APP: variants seen among roughly 807,000 people sequenced by gnomAD.
APP encodes amyloid beta precursor protein.
In APP, 31 loss-of-function variants were observed where a neutral mutation model predicts 101.4. The observed-to-expected ratio is 0.31, with a 90% CI of 0.23 to 0.41. The LOEUF is 0.41. APP is among the 10% of genes least tolerant of loss of function. The probability of loss-of-function intolerance (pLI) is 1.00; values close to 1 mark genes in which losing one functional copy is unlikely to be tolerated. For missense variants in APP, 839 were observed against 1,003.7 expected, an observed-to-expected ratio of 0.84 and a Z score of 2.22; for synonymous variants, 366 against 364.4, an observed-to-expected ratio of 1.00 and a Z score of -0.05.
intron 1 of APP, among the ~76,000 whole-genome samples, chr21:26,169,718 C>G (rs907602199): frequency 3.9e-5 from 6 of 152,294 alleles, no homozygotes; most frequent in Non-Finnish European, 7.4e-5. Flanking sequence ...GAGACTAACG[C>G]GGCTCGGCCC....
chr21:26,056,244 C>T (rs891120951), intron 3 of APP, among the ~76,000 whole-genome samples: 1 of 152,112 alleles, frequency 6.6e-6, no homozygotes, highest in Non-Finnish European at 1.5e-5. Context: ...AGATATGTTG[C>T]CCAGGCTGGT....
intron 1 of APP, 101 bp downstream of exon 1, chr21:26,170,463 G>A: frequency 7.8e-7 from 1 of 1,285,664 alleles, no homozygotes; most frequent in Non-Finnish European, 1.1e-6. Context: ...CCCATTGACG[G>A]ACCCCCGGCT....
chr21:25,898,747 AG>A (rs1194474383), intron 15 of APP, among the ~76,000 whole-genome samples: 1 of 152,226 alleles, frequency 6.6e-6, no homozygotes, highest in Non-Finnish European at 1.5e-5. Flanking sequence ...AACCTTGAAC[AG>A]GTATCACGAC....
intron 2 of APP, among the ~76,000 whole-genome samples, chr21:26,110,836 T>C (rs1393691421): frequency 6.6e-6 from 1 of 152,098 alleles, no homozygotes; most frequent in Non-Finnish European, 1.5e-5. Context: ...CTGCTGTTTA[T>C]AATGAGTGTC....
rs115360436 is a variant in APP at position 25,887,276 on chromosome 21, G to C, written c.2211+4446C>G. Among the ~76,000 whole-genome samples, 865 of 152,190 alleles carry C rather than the reference G, an allele frequency of 5.7e-3. 13 individuals carry two copies. The highest frequency in any genetic ancestry group is 0.02 in the African/African-American group (813 of 41,520). Reference sequence around the variant, plus strand: ...TGGGATTAGTGGGCTTTGCAGGAACGTCCTAAAACAGGAGCAAGGTGGTTA... The same window carrying C: ...TGGGATTAGTGGGCTTTGCAGGAACCTCCTAAAACAGGAGCAAGGTGGTTA... On this transcript the variant is annotated intron_variant, in intron 17 of 17. Coordinates refer to ENST00000346798, the MANE Select transcript of APP (RefSeq NM_000484.4).
intron 1 of APP, among the ~76,000 whole-genome samples, chr21:26,120,229 T>C (rs183184393): frequency 1.9e-4 from 29 of 152,320 alleles, no homozygotes; most frequent in Non-Finnish European, 3.8e-4. Context: ...TACTAAGTGA[T>C]AGAATCAAGG....
chr21:25,886,610 G>T (rs2037345675), intron 17 of APP, among the ~76,000 whole-genome samples: 1 of 152,012 alleles, frequency 6.6e-6, no homozygotes, highest in African/African-American at 2.4e-5. Context: ...GGCCAGGCTG[G>T]ACTCGAACTC....
chr21:26,160,469 C>T (rs1284556455), intron 1 of APP, among the ~76,000 whole-genome samples: 1 of 152,158 alleles, frequency 6.6e-6, no homozygotes, highest in Non-Finnish European at 1.5e-5. Flanking sequence ...AGATACAAGG[C>T]TAATCATAAT....
chr21:26,169,798 C>T (rs2063701791), intron 1 of APP, among the ~76,000 whole-genome samples: 1 of 152,224 alleles, frequency 6.6e-6, no homozygotes, highest in Non-Finnish European at 1.5e-5. Context: ...GCTTAGGGTG[C>T]GAGCGAACTC....
chr21:26,000,686 GCTGT>G (rs2043254461), intron 6 of APP, among the ~76,000 whole-genome samples: 1 of 152,100 alleles, frequency 6.6e-6, no homozygotes, highest in African/African-American at 2.4e-5. Context: ...AGTGTTGGAA[GCTGT>G]CTGTCCATTG....
intron 13 of APP, among the ~76,000 whole-genome samples, chr21:25,913,941 C>G (rs1256533296): frequency 6.6e-6 from 1 of 152,164 alleles, no homozygotes; most frequent in African/African-American, 2.4e-5. Context: ...ACTTCCCCAG[C>G]TTTGACTTCT....
intron 2 of APP, among the ~76,000 whole-genome samples, chr21:26,111,004 AG>A (rs1209984775): frequency 6.6e-6 from 1 of 151,836 alleles, no homozygotes; most frequent in Non-Finnish European, 1.5e-5. Context: ...GTATAGTAAC[AG>A]CAAAAAGACT....
chr21:25,930,950 G>A (rs543055528), intron 13 of APP, among the ~76,000 whole-genome samples: 7 of 152,310 alleles, frequency 4.6e-5, no homozygotes, highest in African/African-American at 7.2e-5. Flanking sequence ...GAGCATTCAC[G>A]ATGCACAGGA....
intron 6 of APP, among the ~76,000 whole-genome samples, chr21:26,016,934 G>A (rs1236863431): frequency 9.2e-6 from 1 of 109,234 alleles, no homozygotes; most frequent in African/African-American, 5.1e-5. Context: ...ACTTTGTGGG[G>A]GGCGGGGGGC....
intron 3 of APP, among the ~76,000 whole-genome samples, chr21:26,070,428 C>T (rs555109789): frequency 4.5e-4 from 68 of 152,188 alleles, no homozygotes; most frequent in African/African-American, 1.6e-3. Flanking sequence ...AGGAAGATCA[C>T]CAACTCTTCT....
At chr21:25,940,638 C>T (rs2040539608) in intron 13 of APP, among the ~76,000 whole-genome samples, 1 of 152,134 alleles carries the variant, frequency 6.6e-6, no homozygotes, top group Non-Finnish European at 1.5e-5. Context: ...TAATCCAATG[C>T]ATCAATTCCT....
chr21:25,988,053 C>T (rs1483411053), intron 8 of APP, among the ~76,000 whole-genome samples: 1 of 152,096 alleles, frequency 6.6e-6, no homozygotes, highest in African/African-American at 2.4e-5. Flanking sequence ...GAAAGGTAGA[C>T]CGCAGTAAGT....
chr21:25,924,678 A>T (rs1219394129), intron 13 of APP, among the ~76,000 whole-genome samples: 1 of 151,682 alleles, frequency 6.6e-6, no homozygotes, highest in Non-Finnish European at 1.5e-5. Context: ...GTTAAAACCT[A>T]GATGACGGGT....
chr21:26,065,554 A>T (rs2046424543), intron 3 of APP, among the ~76,000 whole-genome samples: 1 of 152,192 alleles, frequency 6.6e-6, no homozygotes, highest in African/African-American at 2.4e-5. Flanking sequence ...ATGTAAACTA[A>T]CTGGTCAGAG....
Sources: allele counts gnomAD v4.1 joint callset (sites outside exome capture counted in the v4.1 genomes callset), GRCh38; gene constraint gnomAD v4.1.1; transcripts MANE v1.5; gene names NCBI Gene and HGNC (gene_info 2026-07-23, HGNC 2026-07-21).